The following MYO19 variants were observed in gnomAD, a reference collection of about 807,000 sequenced individuals.
MYO19 encodes the protein unconventional myosin-XIX.
Under a neutral mutation model 129.2 loss-of-function variants are expected in MYO19, and 132 were observed. That is an observed-to-expected ratio of 1.02 (90% CI 0.89 to 1.18). The LOEUF (loss-of-function observed/expected upper bound fraction) is 1.18. Among genes scored for constraint, MYO19 ranks in the 50% most tolerant of loss-of-function variants. The probability of loss-of-function intolerance (pLI) is 0.00; values close to 1 mark genes in which losing one functional copy is unlikely to be tolerated. For synonymous variants in MYO19, 531 were observed against 477.2 expected (o/e 1.11, Z -1.47); for missense variants, 1,210 against 1,216.7 (o/e 0.99, Z 0.08).
In MYO19 at chr17:36,500,859, T is replaced by C. The variant is rs2071470621; in HGVS notation, c.2348A>G (p.Gln783Arg). ...RRHRHREQER[Q>R]WRAVMLIQAA... ...CTGGATGAGCATGACGGCCCGCCACTGCCGCTCCTGCTCTCGGTGCCGGTG... is the reference window on the plus strand; with the variant it reads ...CTGGATGAGCATGACGGCCCGCCACCGCCGCTCCTGCTCTCGGTGCCGGTG... Residue 783 changes from glutamine (Q) to arginine (R), a missense_variant, in exon 23 of 26, where the codon CAG (glutamine) becomes CGG (arginine). Physicochemically the swap from Gln to Arg is conservative, Grantham distance 43 (BLOSUM62 1). Coordinates refer to ENST00000614623, the MANE Select transcript of MYO19 (RefSeq NM_001163735.2). 1 of 1,604,076 alleles carries C rather than the reference T, an allele frequency of 6.2e-7. No homozygotes were observed.
intron 1 of MYO19, chr17:36,534,537 G>C (rs962938130): frequency 1.3e-5 from 2 of 152,364 alleles, no homozygotes; most frequent in African/African-American, 4.8e-5. Flanking sequence ...GTGGAAAGGT[G>C]GAGGGTGATC....
At chr17:36,525,115 G>A in intron 6 of MYO19, 113 bp downstream of exon 6, 1 of 776,480 alleles carries the variant, frequency 1.3e-6, no homozygotes, top group South Asian at 1.6e-5. Flanking sequence ...GCCAGCCTAT[G>A]TGGGAATGAT....
chr17:36,498,705 C>T, intron 24 of MYO19, 146 bp from the exon 25 acceptor site: 5 of 883,822 alleles, frequency 5.7e-6, no homozygotes, highest in Non-Finnish European at 8.4e-6. Context: ...CTGAACCAAA[C>T]TGGTTCCATA....
intron 6 of MYO19, among the ~76,000 whole-genome samples, chr17:36,519,542 T>C (rs1305595955): frequency 1.3e-5 from 2 of 152,168 alleles, no homozygotes; most frequent in African/African-American, 4.8e-5. Flanking sequence ...CCCTTTTTTC[T>C]TATTGCCTTT....
chr17:36,528,521 A>C (rs376611515), intron 3 of MYO19, among the ~76,000 whole-genome samples: 10 of 152,024 alleles, frequency 6.6e-5, no homozygotes, highest in African/African-American at 7.2e-5. Context: ...AAAAAAAAAA[A>C]AAACCAAAAA....
rs1326374781 is a variant in MYO19, at chr17:36,506,551, T to C, written c.1702A>G (p.Met568Val). Residue 568 changes from methionine to valine, a missense_variant, in exon 18 of 26, where the codon ATG (methionine) becomes GTG (valine). Coordinates refer to ENST00000614623, the MANE Select transcript of MYO19 (RefSeq NM_001163735.2). Reference sequence around the variant, plus strand: ...TTGGGGTTAGTAGGAAACAGCCCCATGAGCAGGGGGTCCTGGGATTGCTGC... The same window carrying C: ...TTGGGGTTAGTAGGAAACAGCCCCACGAGCAGGGGGTCCTGGGATTGCTGC... Reference protein sequence around the residue: ...LLQQSQDPLLMGLFPTNPKEK... With the variant: ...LLQQSQDPLLVGLFPTNPKEK... 1.2e-5 allele frequency: 19 copies of C among 1,585,476 alleles called. No individual in the cohort carries two copies. The highest frequency in any genetic ancestry group is 1.5e-5 in the Non-Finnish European group (18 of 1,169,304).
In MYO19 at chr17:36,498,425, C is replaced by G; in HGVS notation, c.2598G>C (p.Leu866=). The part of the protein sequence containing the change: ...LLEAIIRLWP[L]GLVLANTAMG... ...TAGCCGTATTGGCCAGGACCAGTCC[C>G]AGGGGCCAGAGGCGGATTATTGCCT... The change falls in exon 25 of 26, where the codon CTG becomes CTC. Residue 866 remains leucine, a synonymous_variant. Transcript: ENST00000614623. The G allele has an allele frequency of 1.9e-6, 3 of 1,614,042 alleles. No individual in the cohort carries two copies. The highest frequency in any genetic ancestry group is 2.5e-6 in the Non-Finnish European group (3 of 1,179,892).
chr17:36,525,780 G>A (rs2073426539), intron 5 of MYO19, among the ~76,000 whole-genome samples: 1 of 152,194 alleles, frequency 6.6e-6, no homozygotes, highest in African/African-American at 2.4e-5. Context: ...CAGCAAGTAA[G>A]TATATCCATG....
rs1024885518 is a variant in MYO19, at chr17:36,501,122, T to A, written c.2194A>T (p.Met732Leu). 3 of 1,613,940 alleles carry A rather than the reference T, an allele frequency of 1.9e-6. No individual in the cohort carries two copies. Among genetic ancestry groups the A allele is most frequent in the Non-Finnish European group, 2.5e-6 (3 of 1,179,908 alleles). Residue 732 changes from methionine to leucine, a missense_variant, in exon 22 of 26, where the codon ATG (methionine) becomes TTG (leucine). By Grantham distance (15) the Met-to-Leu change is conservative (BLOSUM62 2). Transcript: ENST00000614623. ...CTGCCACAGTGCATGGGGGCTGGCATGGCCTCAGCCGAGTCACCAGTTATG... is the reference window on the plus strand; with the variant it reads ...CTGCCACAGTGCATGGGGGCTGGCAAGGCCTCAGCCGAGTCACCAGTTATG... ...AAITGDSAEA[M>L]PAPMHCGRTK...
intron 2 of MYO19, among the ~76,000 whole-genome samples, chr17:36,541,213 G>A (rs1014049347): frequency 2.0e-5 from 3 of 151,990 alleles, no homozygotes; most frequent in South Asian, 2.1e-4. Flanking sequence ...CCAAAGTGCT[G>A]GGATTACAGG....
intron 12 of MYO19, 129 bp from the exon 13 acceptor site, chr17:36,511,046 G>T: frequency 1.8e-6 from 2 of 1,113,580 alleles, no homozygotes; most frequent in Non-Finnish European, 2.5e-6. Flanking sequence ...TCTGATCAGT[G>T]AAGTGACTCA....
At chr17:36,499,558 C>T (rs2071315594) in intron 23 of MYO19, 1 of 164,636 alleles carries the variant, frequency 6.1e-6, no homozygotes, top group Non-Finnish European at 1.3e-5. Context: ...CTTTATGCAT[C>T]CCTGATCTCA....
At chr17:36,526,191 C>A (rs762381334) in intron 5 of MYO19, among the ~76,000 whole-genome samples, 18 of 152,314 alleles carry the variant, frequency 1.2e-4, no homozygotes, top group Non-Finnish European at 2.5e-4. Context: ...CTGCCTCCTG[C>A]CTCACCTTCT....
chr17:36,504,060 G>C, intron 19 of MYO19, 40 bp from the exon 20 acceptor site: 1 of 1,472,550 alleles, frequency 6.8e-7, no homozygotes. Context: ...CTGCAGCATG[G>C]GGCCAGCAGG....
intron 9 of MYO19, among the ~76,000 whole-genome samples, 187 bp downstream of exon 9, chr17:36,514,259 G>A (rs1043956224): frequency 3.3e-5 from 5 of 152,216 alleles, no homozygotes; most frequent in African/African-American, 1.2e-4. Context: ...GGCCACAACT[G>A]TGCTGGGAGC....
chr17:36,535,320 G>C (rs2074074318), upstream of MYO19: 1 of 152,460 alleles, frequency 6.6e-6, no homozygotes, highest in Non-Finnish European at 1.5e-5. Flanking sequence ...CTCTCCAGGC[G>C]CTCCTCTCAG....
At chr17:36,505,069 A>G in intron 19 of MYO19, 1 of 741,758 alleles carries the variant, frequency 1.3e-6, no homozygotes, top group Non-Finnish European at 2.5e-6. Context: ...TCAAAAAAAC[A>G]AGATGCACTG....
intron 3 of MYO19, among the ~76,000 whole-genome samples, chr17:36,530,869 C>A (rs1248858671): frequency 6.6e-6 from 1 of 152,068 alleles, no homozygotes; most frequent in Non-Finnish European, 1.5e-5. Context: ...GATCTGCCCG[C>A]CTCGACCTCC....
intron 2 of MYO19, among the ~76,000 whole-genome samples, chr17:36,541,833 G>A (rs62070733): frequency 3.3e-5 from 5 of 152,180 alleles, no homozygotes; most frequent in Admixed American, 6.5e-5. Context: ...AGTATTTGCT[G>A]CAGTACTGGT....
Sources: allele counts gnomAD v4.1 joint callset (sites outside exome capture counted in the v4.1 genomes callset), GRCh38; gene constraint gnomAD v4.1.1; transcripts MANE v1.5; gene names NCBI Gene and HGNC (gene_info 2026-07-23, HGNC 2026-07-21).